The following CNTNAP2 variants were observed in gnomAD, a reference collection of about 807,000 sequenced individuals.
CNTNAP2 encodes contactin-associated protein-like 2.
Under a neutral mutation model 155.2 loss-of-function variants are expected in CNTNAP2, and 98 were observed. The observed-to-expected ratio is 0.63, with a 90% CI of 0.54 to 0.75. The LOEUF (loss-of-function observed/expected upper bound fraction) is 0.75, where lower values mean the gene tolerates loss of function less well. CNTNAP2 is among the 30% of genes least tolerant of loss of function. CNTNAP2 has a pLI of 0.00. For missense variants in CNTNAP2, 1,727 were observed against 1,688.1 expected (o/e 1.02, Z -0.40); for synonymous variants, 651 against 631.2 (o/e 1.03, Z -0.47).
chr7:147,395,930 T>G lies in CNTNAP2; in HGVS notation c.1670+150T>G, dbSNP rs1428524974. The G allele has an allele frequency of 5.2e-6, 4 of 767,976 alleles. No individual in the cohort carries two copies. In the African/African-American group the frequency reaches 5.2e-5, roughly 10 times the overall value. 47.6% of individuals were successfully genotyped at this position (767,976 alleles called of 1,614,324 possible). A position where few individuals can be genotyped will look rare whatever the true frequency, so the allele number is the denominator to read the frequency against. ...TTCAAAGTACGTATTGTAGTATACTTGTGATATTAGCAGTGATTATGTTTA... is the reference window on the plus strand; with the variant it reads ...TTCAAAGTACGTATTGTAGTATACTGGTGATATTAGCAGTGATTATGTTTA... On this transcript the variant is annotated intron_variant, in intron 10 of 23. Transcript: ENST00000361727.
intron 2 of CNTNAP2, among the ~76,000 whole-genome samples, chr7:146,828,244 G>T (rs2129197960): frequency 6.6e-6 from 1 of 152,098 alleles, no homozygotes; most frequent in Admixed American, 6.6e-5. Context: ...TTACTTAGCT[G>T]AAATAACATG....
At chr7:147,479,315 ATTTGCTAATTATG>A (rs1390770079) in intron 10 of CNTNAP2, among the ~76,000 whole-genome samples, 1 of 152,212 alleles carries the variant, frequency 6.6e-6, no homozygotes, top group African/African-American at 2.4e-5. Flanking sequence ...TATAGAACTC[ATTTGCTAATTATG>A]TTTGCATGAA....
chr7:147,408,412 G>A (rs1473173988), intron 10 of CNTNAP2, among the ~76,000 whole-genome samples: 1 of 152,180 alleles, frequency 6.6e-6, no homozygotes, highest in African/African-American at 2.4e-5. Context: ...TCACAGACTG[G>A]CAGCTACTAG....
intron 1 of CNTNAP2, among the ~76,000 whole-genome samples, chr7:146,195,757 C>T (rs1798766138): frequency 6.6e-6 from 1 of 152,196 alleles, no homozygotes; most frequent in South Asian, 2.1e-4. Flanking sequence ...AATGGAAGAC[C>T]ATCCAGGCAC....
intron 18 of CNTNAP2, among the ~76,000 whole-genome samples, chr7:148,187,147 C>CACACACACACACACACACAA (rs1197880658): frequency 3.0e-5 from 2 of 67,098 alleles, no homozygotes; most frequent in African/African-American, 6.2e-5. Context: ...CACACACACA[C>CACACACACACACACACACAA]AAACAGAGCC....
chr7:147,122,252 A>G (rs2129282975), intron 6 of CNTNAP2: 1 of 152,308 alleles, frequency 6.6e-6, no homozygotes, highest in Non-Finnish European at 1.5e-5. Flanking sequence ...TATACATACA[A>G]AAGCAGCAGA....
intron 8 of CNTNAP2, among the ~76,000 whole-genome samples, chr7:147,274,672 G>A (rs1804853510): frequency 6.6e-6 from 1 of 151,918 alleles, no homozygotes; most frequent in Admixed American, 6.6e-5. Context: ...AAACTTTTTA[G>A]TTTAATTGCA....
At chr7:148,057,723 A>G (rs192712221) in intron 15 of CNTNAP2, among the ~76,000 whole-genome samples, 1 of 152,310 alleles carries the variant, frequency 6.6e-6, no homozygotes, top group Non-Finnish European at 1.5e-5. Context: ...CTTGATAACC[A>G]TTGTATTTCT....
intron 3 of CNTNAP2, among the ~76,000 whole-genome samples, chr7:146,921,841 A>G (rs920956032): frequency 6.6e-6 from 1 of 152,160 alleles, no homozygotes; most frequent in African/African-American, 2.4e-5. Context: ...ACACGAAGAC[A>G]TAGTACTGTG....
At chr7:148,374,113 C>T (rs942529733) in intron 21 of CNTNAP2, among the ~76,000 whole-genome samples, 1 of 152,076 alleles carries the variant, frequency 6.6e-6, no homozygotes, top group African/African-American at 2.4e-5. Context: ...GGCTCATGGC[C>T]CTGGGGAAAC....
intron 14 of CNTNAP2, among the ~76,000 whole-genome samples, chr7:147,919,660 G>C (rs1800231685): frequency 6.6e-6 from 1 of 151,240 alleles, no homozygotes; most frequent in Non-Finnish European, 1.5e-5. Context: ...GGGTTTCACA[G>C]TGTTCACTAG....
chr7:146,465,321 G>C (rs971346210), intron 1 of CNTNAP2, among the ~76,000 whole-genome samples: 5 of 152,076 alleles, frequency 3.3e-5, no homozygotes, highest in Non-Finnish European at 5.9e-5. Context: ...GTAGCAAAAA[G>C]GACTCAGATT....
intron 1 of CNTNAP2, among the ~76,000 whole-genome samples, chr7:146,151,995 C>T (rs1207447941): frequency 6.6e-6 from 1 of 151,400 alleles, no homozygotes; most frequent in African/African-American, 2.4e-5. Flanking sequence ...CCATATGATT[C>T]AGCAATGTCA....
At chr7:147,276,968 T>C (rs1465309946) in intron 8 of CNTNAP2, among the ~76,000 whole-genome samples, 1 of 151,976 alleles carries the variant, frequency 6.6e-6, no homozygotes, top group African/African-American at 2.4e-5. Flanking sequence ...AATAATGCTG[T>C]TAGACGTGAA....
intron 2 of CNTNAP2, among the ~76,000 whole-genome samples, chr7:146,835,911 T>A (rs370193039): frequency 6.6e-6 from 1 of 152,138 alleles, no homozygotes; most frequent in Non-Finnish European, 1.5e-5. Context: ...TTTCTACAGG[T>A]TGGGGCAGGG....
intron 1 of CNTNAP2, among the ~76,000 whole-genome samples, chr7:146,730,874 G>T (rs893753126): frequency 3.9e-5 from 6 of 152,112 alleles, no homozygotes; most frequent in African/African-American, 1.4e-4. Context: ...CCACATTGAT[G>T]AATAATAATC....
At chr7:148,392,688 C>T (rs1027336918) in intron 22 of CNTNAP2, among the ~76,000 whole-genome samples, 2 of 152,072 alleles carry the variant, frequency 1.3e-5, no homozygotes, top group African/African-American at 4.8e-5. Flanking sequence ...TCTCCACCTC[C>T]CCCAGAACCA....
chr7:146,692,342 G>T (rs567493010), intron 1 of CNTNAP2, among the ~76,000 whole-genome samples: 108 of 152,176 alleles, frequency 7.1e-4, no homozygotes, highest in African/African-American at 2.6e-3. Context: ...ACTTATACCA[G>T]TAAAGGCCAA....
chr7:146,248,808 C>T (rs1403859826), intron 1 of CNTNAP2, among the ~76,000 whole-genome samples: 2 of 152,242 alleles, frequency 1.3e-5, no homozygotes, highest in East Asian at 1.9e-4. Flanking sequence ...AGTCACGGCA[C>T]CAAATTTCAT....
Sources: allele counts gnomAD v4.1 joint callset (sites outside exome capture counted in the v4.1 genomes callset), GRCh38; gene constraint gnomAD v4.1.1; transcripts MANE v1.5; gene names NCBI Gene and HGNC (gene_info 2026-07-23, HGNC 2026-07-21).